RCAN2: variants seen among roughly 807,000 people sequenced by gnomAD.
RCAN2 encodes the protein calcipressin-2.
RCAN2 carries 9 observed loss-of-function variants against 23.6 expected under a neutral mutation model. That is an observed-to-expected ratio of 0.38 (90% confidence interval 0.23 to 0.67). The LOEUF (loss-of-function observed/expected upper bound fraction) is 0.67, where lower values mean the gene tolerates loss of function less well. Among genes scored for constraint, RCAN2 ranks in the 30% least tolerant of loss-of-function variants. RCAN2 has a pLI of 0.51. For missense variants in RCAN2, 273 were observed against 302.3 expected (o/e 0.90, Z 0.72); for synonymous variants, 109 against 115.7 (o/e 0.94, Z 0.37).
At chr6:46,332,480 C>A (rs1321681543) in intron 2 of RCAN2, among the ~76,000 whole-genome samples, 1 of 129,288 alleles carries the variant, frequency 7.7e-6, no homozygotes, top group African/African-American at 3.2e-5. Flanking sequence ...CCACAACAGT[C>A]CCCAGAGTGT....
chr6:46,239,657 G>A (rs1174443284), intron 4 of RCAN2, among the ~76,000 whole-genome samples: 1 of 152,150 alleles, frequency 6.6e-6, no homozygotes, highest in African/African-American at 2.4e-5. Flanking sequence ...GAAATAAGAA[G>A]GGGTCCTTGG....
chr6:46,243,596 G>A (rs1254771194), intron 4 of RCAN2, among the ~76,000 whole-genome samples: 1 of 151,964 alleles, frequency 6.6e-6, no homozygotes, highest in Admixed American at 6.6e-5. Flanking sequence ...GGATCACGAG[G>A]TCAGGAGTTT....
intron 2 of RCAN2, among the ~76,000 whole-genome samples, chr6:46,290,599 C>T (rs1246140903): frequency 6.6e-6 from 1 of 152,064 alleles, no homozygotes; most frequent in Admixed American, 6.6e-5. Flanking sequence ...ATCAGTAAAT[C>T]ATTGTGCCTA....
chr6:46,259,413 G>A (rs574648942), intron 2 of RCAN2, among the ~76,000 whole-genome samples: 2 of 152,316 alleles, frequency 1.3e-5, no homozygotes, highest in African/African-American at 4.8e-5. Flanking sequence ...AAGAGAGTGT[G>A]AAGTATGTAC....
In RCAN2 at chr6:46,423,530, C is replaced by T. The variant is rs558594299; in HGVS notation, c.225+33222G>A. On this transcript the variant is annotated intron_variant, in intron 2 of 4. Coordinates refer to ENST00000371374, the MANE Select transcript of RCAN2 (RefSeq NM_001251974.2). ...TTGGTATAATATGGACTTATTAGCT[C>T]GAGAATACTGACCCTTCCTCTCTGA... 3.3e-5 allele frequency among the ~76,000 whole-genome samples: 5 copies of T among 152,286 alleles called. No homozygotes were observed. The South Asian group carries it at 6.2e-4, about 19-fold the overall frequency.
intron 2 of RCAN2, among the ~76,000 whole-genome samples, chr6:46,393,108 A>C (rs1293276880): frequency 1.3e-5 from 2 of 152,184 alleles, no homozygotes; most frequent in Non-Finnish European, 2.9e-5. Context: ...AGACCATCAA[A>C]AACTTCATTA....
intron 1 of RCAN2, among the ~76,000 whole-genome samples, chr6:46,457,208 T>G (rs2150433074): frequency 6.6e-6 from 1 of 152,242 alleles, no homozygotes; most frequent in East Asian, 1.9e-4. Context: ...AGTACTATGG[T>G]TTTTTAAAAC....
chr6:46,250,941 G>A (rs1582031004), intron 2 of RCAN2, among the ~76,000 whole-genome samples: 1 of 152,178 alleles, frequency 6.6e-6, no homozygotes, highest in South Asian at 2.1e-4. Context: ...CCATTTCTGA[G>A]AATCCCCAGG....
At chr6:46,287,176 A>G (rs1762402146) in intron 2 of RCAN2, among the ~76,000 whole-genome samples, 2 of 152,188 alleles carry the variant, frequency 1.3e-5, no homozygotes, top group South Asian at 4.1e-4. Flanking sequence ...AGGCTAACAG[A>G]TGAGAACACA....
chr6:46,378,327 C>T (rs1765535537), intron 2 of RCAN2, among the ~76,000 whole-genome samples: 1 of 152,104 alleles, frequency 6.6e-6, no homozygotes, highest in Non-Finnish European at 1.5e-5. Flanking sequence ...AAATGTTACT[C>T]AACTTGAGCT....
chr6:46,385,903 A>C (rs1765732197), intron 2 of RCAN2, among the ~76,000 whole-genome samples: 1 of 151,716 alleles, frequency 6.6e-6, no homozygotes, highest in East Asian at 1.9e-4. Flanking sequence ...TATAAAACCC[A>C]AAACCATAAA....
chr6:46,265,992 C>T (rs778037331), intron 2 of RCAN2, among the ~76,000 whole-genome samples: 29 of 152,320 alleles, frequency 1.9e-4, no homozygotes, highest in Non-Finnish European at 1.6e-4. Context: ...AAGTGCTTTA[C>T]ATCCTTATAG....
At chr6:46,223,999 A>G (rs1267986658) in intron 4 of RCAN2, among the ~76,000 whole-genome samples, 1 of 152,238 alleles carries the variant, frequency 6.6e-6, no homozygotes, top group African/African-American at 2.4e-5. Context: ...AGGTAGAATA[A>G]AAAGTATTTG....
At chr6:46,423,283 G>C (rs1272710416) in intron 2 of RCAN2, among the ~76,000 whole-genome samples, 1 of 152,170 alleles carries the variant, frequency 6.6e-6, no homozygotes, top group African/African-American at 2.4e-5. Context: ...GCTTGTCTAA[G>C]ATCACACTGT....
At chr6:46,365,105 A>C (rs1315097269) in intron 2 of RCAN2, among the ~76,000 whole-genome samples, 1 of 152,142 alleles carries the variant, frequency 6.6e-6, no homozygotes, top group Non-Finnish European at 1.5e-5. Context: ...CCCCAATGTA[A>C]TAATAATATA....
rs531124419 is a variant in RCAN2 at position 46,344,616 on chromosome 6, AG to A, written c.226-95721del. 2.7e-3 allele frequency among the ~76,000 whole-genome samples: 409 copies of A among 152,236 alleles called. 1 individual carries two copies. The highest frequency in any genetic ancestry group is 4.6e-3 in the Non-Finnish European group (311 of 67,952). On this transcript the variant is annotated intron_variant, in intron 2 of 4. Transcript: ENST00000371374. ...CTGTTGTGACATTCTTCCTTTGTGA[AG>A]TAATGTAATATTAGTTTAAGGCATA...
intron 2 of RCAN2, among the ~76,000 whole-genome samples, chr6:46,404,310 T>C (rs1048039519): frequency 6.6e-6 from 1 of 152,190 alleles, no homozygotes; most frequent in African/African-American, 2.4e-5. Context: ...TCTTTACAAT[T>C]TTATAGCCAC....
In RCAN2 at chr6:46,294,800, T is replaced by C. The variant is rs369112446; in HGVS notation, c.226-45904A>G. Among the ~76,000 whole-genome samples, 66 of 152,308 alleles carry C rather than the reference T, an allele frequency of 4.3e-4. No homozygotes were observed. The South Asian group carries it at 8.3e-3, about 19-fold the overall frequency. ...CGGTTATATATTTGCTTTAAGATAA[T>C]GAAAACTTTTTGTTATGTGTCCAAC... On this transcript the variant is annotated intron_variant, in intron 2 of 4. Transcript: ENST00000371374.
At position 46,228,661 on chromosome 6, in the gene RCAN2, A is replaced by C. The variant is rs546330120; in HGVS notation, c.572-5360T>G. Reference sequence around the variant, plus strand: ...TCCTCCATCTCTTTATTTTGAGCCTATGTGTGTCTCCGCACGTGAGATGGG... The same window carrying C: ...TCCTCCATCTCTTTATTTTGAGCCTCTGTGTGTCTCCGCACGTGAGATGGG... On this transcript the variant is annotated intron_variant, in intron 4 of 4. Coordinates refer to ENST00000371374, the MANE Select transcript of RCAN2 (RefSeq NM_001251974.2). Among the ~76,000 whole-genome samples the C allele has an allele frequency of 1.1e-3, 162 of 152,044 alleles. 1 individual carries two copies. In the Middle Eastern group the frequency reaches 0.02, roughly 19 times the overall value.
Sources: allele counts gnomAD v4.1 joint callset (sites outside exome capture counted in the v4.1 genomes callset), GRCh38; gene constraint gnomAD v4.1.1; transcripts MANE v1.5; gene names NCBI Gene and HGNC (gene_info 2026-07-23, HGNC 2026-07-21).